The following MYZAP variants were observed in gnomAD, a reference collection of about 807,000 sequenced individuals.
MYZAP encodes the protein GRINL1A complex locus upstream.
A neutral mutation model predicts 69.4 loss-of-function variants in MYZAP; 66 were observed. That is an observed-to-expected ratio of 0.95 (90% confidence interval 0.78 to 1.17). The LOEUF is 1.17. Ranked by LOEUF, MYZAP falls within the 50% of genes most tolerant of loss-of-function variation. The pLI, the probability that MYZAP is intolerant of heterozygous loss-of-function variation, is 0.00. For missense variants in MYZAP, 611 were observed against 556.2 expected, an observed-to-expected ratio of 1.10 and a Z score of -0.99; for synonymous variants, 256 against 205.9, an observed-to-expected ratio of 1.24 and a Z score of -2.09.
chr15:57,648,990 A>T (rs1471813965), intron 10 of MYZAP, among the ~76,000 whole-genome samples: 1 of 151,604 alleles, frequency 6.6e-6, no homozygotes, highest in African/African-American at 2.4e-5. Flanking sequence ...TTTAAATTTT[A>T]CGTAAATTTT....
In MYZAP at chr15:57,627,408, G is replaced by C. The variant is rs1273273151; in HGVS notation, c.525+1516G>C. Among the ~76,000 whole-genome samples the C allele has an allele frequency of 1.1e-4, 14 of 129,060 alleles. No homozygotes were observed. In the East Asian group the frequency reaches 3.8e-3, roughly 35 times the overall value. The allele number at this position is 129,060 out of a possible 152,430, so 84.7% of individuals were successfully genotyped here. The stretch of plus-strand genomic sequence containing the variant: ...GGGGGAGGGGGAGGGGGAGGGGAGG[G>C]GAAGGGGGAGGAGGAGGAGGAGGAG... On this transcript the variant is annotated intron_variant, in intron 5 of 12. Transcript: ENST00000267853.
intron 1 of MYZAP, among the ~76,000 whole-genome samples, chr15:57,599,052 A>C (rs1301269973): frequency 6.6e-6 from 1 of 152,204 alleles, no homozygotes; most frequent in Non-Finnish European, 1.5e-5. Flanking sequence ...CGTGCCAGAA[A>C]TTGTCCTAAG....
intron 10 of MYZAP, 77 bp downstream of exon 10, chr15:57,639,622 G>A: frequency 6.6e-7 from 1 of 1,511,920 alleles, no homozygotes; most frequent in Non-Finnish European, 9.0e-7. Context: ...AGTCTGCCTT[G>A]CCCCTCCATT....
At chr15:57,665,502 G>A (rs1020406636) in intron 11 of MYZAP, among the ~76,000 whole-genome samples, 1 of 152,228 alleles carries the variant, frequency 6.6e-6, no homozygotes, top group African/African-American at 2.4e-5. Flanking sequence ...CCACAGTGCT[G>A]TTGGTTTTAA....
intron 2 of MYZAP, among the ~76,000 whole-genome samples, chr15:57,609,372 G>A (rs528930680): frequency 1.3e-5 from 2 of 152,320 alleles, no homozygotes; most frequent in Admixed American, 6.5e-5. Context: ...TCCTCTGAAG[G>A]CTCCAGGGGG....
At chr15:57,595,159 T>G (rs775289242) in intron 1 of MYZAP, among the ~76,000 whole-genome samples, 1 of 152,192 alleles carries the variant, frequency 6.6e-6, no homozygotes, top group Non-Finnish European at 1.5e-5. Flanking sequence ...ACCTGCAATT[T>G]GTATTTCCTT....
chr15:57,609,264 C>G (rs1330781937), intron 2 of MYZAP, among the ~76,000 whole-genome samples: 2 of 152,128 alleles, frequency 1.3e-5, no homozygotes, highest in Non-Finnish European at 1.5e-5. Context: ...CTAGGGCTGC[C>G]ACAGCAAAGC....
At chr15:57,651,421 A>C (rs1329447253) in intron 10 of MYZAP, among the ~76,000 whole-genome samples, 1 of 152,160 alleles carries the variant, frequency 6.6e-6, no homozygotes, top group East Asian at 1.9e-4. Flanking sequence ...AGGACAGCCT[A>C]AAGAATTAGG....
At chr15:57,627,389 G>A in intron 5 of MYZAP, among the ~76,000 whole-genome samples, 2 of 138,658 alleles carry the variant, frequency 1.4e-5, no homozygotes, top group South Asian at 5.3e-4. Context: ...GGGAGGGGGA[G>A]GGGGAGGGGG....
chr15:57,652,544 T>A (rs2037780863), intron 10 of MYZAP, among the ~76,000 whole-genome samples: 1 of 152,228 alleles, frequency 6.6e-6, no homozygotes, highest in South Asian at 2.1e-4. Context: ...ACACTTTTTC[T>A]GAGGAAGAGT....
rs138136972 is a variant in MYZAP, at chr15:57,682,855, G to T, written c.1305-1547G>T. Among the ~76,000 whole-genome samples, 1,144 of 152,208 alleles carry T rather than the reference G, an allele frequency of 7.5e-3. 10 individuals carry two copies. Among genetic ancestry groups the T allele is most frequent in the South Asian group, 0.049 (237 of 4,810 alleles). On this transcript the variant is annotated intron_variant, in intron 12 of 12. Transcript: ENST00000267853. ...TTCCTGGAGTTCCCATCCCCGCTTT[G>T]CCCGCTTGATGAGTGCTAGGCATCC... is the stretch of plus-strand genomic sequence containing the variant.
Position 57,595,777 on chromosome 15 carries a change from A to G in MYZAP, c.75+3668A>G, listed in dbSNP as rs149062006. Among the ~76,000 whole-genome samples, 172 of 152,172 alleles carry G rather than the reference A, an allele frequency of 1.1e-3. 1 individual carries two copies. Among genetic ancestry groups the G allele is most frequent in the Middle Eastern group, 3.4e-3 (1 of 294 alleles). ...TGGCACAGAGAAAAAACAAAACCCA[A>G]CAAGGTCACAGGATAGGACTATCTC... On this transcript the variant is annotated intron_variant, in intron 1 of 12. Transcript: ENST00000267853.
chr15:57,639,217 T>TATTTA (rs111274828), intron 9 of MYZAP, among the ~76,000 whole-genome samples: 1 of 151,804 alleles, frequency 6.6e-6, no homozygotes, highest in African/African-American at 2.4e-5. Context: ...TTTATTTATT[T>TATTTA]TTTTTTTTTG....
At chr15:57,596,534 A>G (rs1166479996) in intron 1 of MYZAP, among the ~76,000 whole-genome samples, 7 of 152,174 alleles carry the variant, frequency 4.6e-5, no homozygotes, top group African/African-American at 7.2e-5. Flanking sequence ...GGTGAGTGAT[A>G]GTTCCTAAGT....
At chr15:57,669,413 C>T (rs2038764078) in intron 11 of MYZAP, among the ~76,000 whole-genome samples, 1 of 151,796 alleles carries the variant, frequency 6.6e-6, no homozygotes, top group Non-Finnish European at 1.5e-5. Context: ...CTCTTTTTTT[C>T]TACACAGATG....
At chr15:57,627,776 G>A (rs2470362) in intron 5 of MYZAP, among the ~76,000 whole-genome samples, 83,057 of 151,880 alleles carry the variant, frequency 0.55, 22,959 homozygotes, top group Non-Finnish European at 0.6. Flanking sequence ...GCCAGGATTA[G>A]AAAAATCCTG....
intron 10 of MYZAP, among the ~76,000 whole-genome samples, chr15:57,652,485 T>C (rs1218330931): frequency 1.3e-5 from 2 of 152,230 alleles, no homozygotes; most frequent in Non-Finnish European, 2.9e-5. Context: ...GAAATTACGA[T>C]GTTACAGGAC....
chr15:57,610,132 T>G (rs2035011723), intron 2 of MYZAP, among the ~76,000 whole-genome samples: 1 of 152,196 alleles, frequency 6.6e-6, no homozygotes, highest in Non-Finnish European at 1.5e-5. Context: ...GCTATTAACA[T>G]CCCAGCTTTG....
At chr15:57,626,016 C>A in intron 5 of MYZAP, 124 bp downstream of exon 5, 1 of 851,354 alleles carries the variant, frequency 1.2e-6, no homozygotes, top group Non-Finnish European at 1.9e-6. Flanking sequence ...TTAAGCAGAA[C>A]CACTGTGAAG....
Sources: gnomAD v4.1 joint callset for allele counts (sites outside exome capture counted in the v4.1 genomes callset) on GRCh38, gnomAD v4.1.1 for gene constraint, MANE v1.5 for transcripts, NCBI Gene and HGNC (gene_info 2026-07-23, HGNC 2026-07-21) for gene names.